RORA: variants seen among roughly 807,000 people sequenced by gnomAD.
RORA encodes nuclear receptor ROR-alpha.
In RORA, 7 loss-of-function variants were observed where a neutral mutation model predicts 69.5. The ratio of observed to expected loss-of-function variants is 0.10; its 90% confidence interval spans 0.06 to 0.19. RORA has a LOEUF of 0.19. Ranked by LOEUF, RORA falls within the 10% of genes least tolerant of loss-of-function variation. RORA has a pLI of 1.00. For synonymous variants in RORA, 261 were observed against 240.8 expected, an observed-to-expected ratio of 1.08 and a Z score of -0.78; for missense variants, 457 against 663.0, an observed-to-expected ratio of 0.69 and a Z score of 3.41.
At chr15:61,209,451 A>C (rs901751895) in intron 1 of RORA, among the ~76,000 whole-genome samples, 7 of 152,210 alleles carry the variant, frequency 4.6e-5, no homozygotes, top group Non-Finnish European at 7.3e-5. Flanking sequence ...AAAGCTAAAA[A>C]ATTTTAACTT....
In RORA at chr15:60,826,770, T is replaced by TCC. The variant is rs1209144950; in HGVS notation, c.167-148085_167-148084insGG. On this transcript the variant is annotated intron_variant, in intron 1 of 10. Transcript: ENST00000335670. ...CTCTCTCTCTCTCTCTCTCTCCCTCTCTCTCTCTCTCTCTCTCTCTTTTTT... is the reference window on the plus strand; with the variant it reads ...CTCTCTCTCTCTCTCTCTCTCCCTCTCCCTCTCTCTCTCTCTCTCTCTTTTTT... Among the ~76,000 whole-genome samples, 67 of 95,876 alleles carry TCC rather than the reference T, an allele frequency of 7.0e-4. 1 individual carries two copies. The highest frequency in any genetic ancestry group is 1.3e-3 in the East Asian group (4 of 3,128). The allele number at this position is 95,876 out of a possible 152,430, so 62.9% of individuals were successfully genotyped here. A position where few individuals can be genotyped will look rare whatever the true frequency, so the allele number is the denominator to read the frequency against.
intron 1 of RORA, among the ~76,000 whole-genome samples, chr15:60,696,635 T>C (rs190721244): frequency 6.6e-6 from 1 of 152,302 alleles, no homozygotes; most frequent in African/African-American, 2.4e-5. Flanking sequence ...TATTGGGTGC[T>C]TCTGCTTACA....
At chr15:60,871,911 T>C (rs1180974342) in intron 1 of RORA, among the ~76,000 whole-genome samples, 1 of 152,236 alleles carries the variant, frequency 6.6e-6, no homozygotes, top group African/African-American at 2.4e-5. Flanking sequence ...AAATGAATCA[T>C]AGTTATGTAA....
rs546815492 is a variant in RORA at position 60,667,905 on chromosome 15, G to A, written c.196+10752C>T. On this transcript the variant is annotated intron_variant, in intron 2 of 10. Coordinates refer to ENST00000335670, the MANE Select transcript of RORA (RefSeq NM_134261.3). ...CCCAAAGTGCTGGGTTTACAGGCAT[G>A]AGCCACTGCACCCAGCCCAAAGAGT... 2.0e-5 allele frequency among the ~76,000 whole-genome samples: 3 copies of A among 151,954 alleles called. No individual in the cohort carries two copies. The East Asian group carries it at 5.8e-4, about 29-fold the overall frequency.
At chr15:61,028,889 C>T (rs1895977833) in intron 1 of RORA, among the ~76,000 whole-genome samples, 1 of 152,188 alleles carries the variant, frequency 6.6e-6, no homozygotes, top group Non-Finnish European at 1.5e-5. Context: ...TTGTATGATT[C>T]TACTTACATA....
chr15:60,597,597 C>CATAT (rs1213736725), intron 2 of RORA, among the ~76,000 whole-genome samples: 2,326 of 31,324 alleles, frequency 0.074, 399 homozygotes, highest in South Asian at 0.15. Context: ...TATATATACA[C>CATAT]ATATATATAT....
At chr15:60,845,163 T>C (rs1376712747) in intron 1 of RORA, among the ~76,000 whole-genome samples, 2 of 152,334 alleles carry the variant, frequency 1.3e-5, no homozygotes, top group South Asian at 2.1e-4. Context: ...TACAGCAACC[T>C]TGAAGTGCCT....
intron 1 of RORA, among the ~76,000 whole-genome samples, chr15:60,826,101 T>A (rs549380255): frequency 6.6e-6 from 1 of 152,280 alleles, no homozygotes; most frequent in South Asian, 2.1e-4. Flanking sequence ...CCACAGGCCC[T>A]ATGGGAAAGG....
chr15:60,807,986 C>T (rs2072682645), intron 1 of RORA, among the ~76,000 whole-genome samples: 1 of 152,082 alleles, frequency 6.6e-6, no homozygotes, highest in South Asian at 2.1e-4. Context: ...AAGATAACAT[C>T]AGAAAAACCC....
At chr15:61,022,434 G>A (rs1306525790) in intron 1 of RORA, among the ~76,000 whole-genome samples, 1 of 152,154 alleles carries the variant, frequency 6.6e-6, no homozygotes, top group African/African-American at 2.4e-5. Flanking sequence ...GTGGCTGCTG[G>A]GCTTGACCTT....
Position 61,160,968 on chromosome 15 carries a change from G to A in RORA, c.166+68085C>T, listed in dbSNP as rs912425790. Among the ~76,000 whole-genome samples the A allele has an allele frequency of 3.3e-5, 5 of 152,158 alleles. No homozygotes were observed. The South Asian group carries it at 6.2e-4, about 19-fold the overall frequency. On this transcript the variant is annotated intron_variant, in intron 1 of 10. Transcript: ENST00000335670. ...ACCCACTTTGCACTGGGGCAAGCAC[G>A]GATGTTTGGAGACGAGCTCCCATTA...
intron 1 of RORA, among the ~76,000 whole-genome samples, chr15:61,168,234 G>GTGTA (rs1555416546): frequency 2.0e-5 from 3 of 151,500 alleles, no homozygotes; most frequent in African/African-American, 7.3e-5. Context: ...GTGTGTGTGT[G>GTGTA]TGTATGTATT....
chr15:60,543,853 T>C (rs1315594283), intron 2 of RORA, among the ~76,000 whole-genome samples: 1 of 152,200 alleles, frequency 6.6e-6, no homozygotes, highest in African/African-American at 2.4e-5. Context: ...GTATTCCTTT[T>C]GTTGTGTAAC....
chr15:61,227,174 T>C (rs1294773163), intron 1 of RORA, among the ~76,000 whole-genome samples: 2 of 144,462 alleles, frequency 1.4e-5, no homozygotes, highest in Non-Finnish European at 3.0e-5. Flanking sequence ...AACCAAAAAT[T>C]AGTGCAGCTT....
intron 1 of RORA, among the ~76,000 whole-genome samples, chr15:61,012,657 C>CT (rs34216558): frequency 0.54 from 81,420 of 150,290 alleles, 24,886 homozygotes; most frequent in Non-Finnish European, 0.71. Context: ...CAAGTTATCA[C>CT]TTTTTTTTTT....
At chr15:60,542,522 A>G (rs1446627243) in intron 2 of RORA, among the ~76,000 whole-genome samples, 16 of 42,598 alleles carry the variant, frequency 3.8e-4, no homozygotes, top group African/African-American at 1.2e-3. Context: ...CACATGGCAC[A>G]CATGCACACC....
intron 1 of RORA, among the ~76,000 whole-genome samples, chr15:61,153,368 C>A (rs766443000): frequency 9.9e-5 from 15 of 152,156 alleles, no homozygotes; most frequent in Non-Finnish European, 2.1e-4. Flanking sequence ...ACTCCAAAAC[C>A]AGTGAGGGAA....
intron 1 of RORA, among the ~76,000 whole-genome samples, chr15:60,799,850 T>C (rs1264167294): frequency 6.6e-6 from 1 of 152,222 alleles, no homozygotes; most frequent in Non-Finnish European, 1.5e-5. Context: ...TATCAAGATA[T>C]GTAGATAGGA....
Position 60,614,800 on chromosome 15 carries a change from TA to T in RORA, c.196+63856del. The T allele has an allele frequency of 3.1e-6, 3 of 953,366 alleles. No homozygotes were observed. The South Asian group carries it at 5.8e-5, about 18-fold the overall frequency. The allele number at this position is 953,366 out of a possible 1,614,324, so 59.1% of individuals were successfully genotyped here. On this transcript the variant is annotated intron_variant, in intron 2 of 10. Coordinates refer to ENST00000335670, the MANE Select transcript of RORA (RefSeq NM_134261.3). The stretch of plus-strand genomic sequence containing the variant: ...TAATATTTATAGTAATCATAAGGTT[TA>T]AATGAGATTATACACACGCACATGC...
Sources: allele counts gnomAD v4.1 joint callset (sites outside exome capture counted in the v4.1 genomes callset), GRCh38; gene constraint gnomAD v4.1.1; transcripts MANE v1.5; gene names NCBI Gene and HGNC (gene_info 2026-07-23, HGNC 2026-07-21).